The following NBPF8 variants were observed in gnomAD, a reference collection of about 807,000 sequenced individuals.
The protein encoded by NBPF8 is NBPF member 8, also known as NBPF family member NBPF8.
At chr1:120,455,995 C>T (rs1553249636) in intron 16 of NBPF8, among the ~76,000 whole-genome samples, 3 of 152,036 alleles carry the variant, frequency 2.0e-5, no homozygotes, top group African/African-American at 7.3e-5. Flanking sequence ...TTTCAAAGAA[C>T]ATCTTTATTT....
At chr1:120,428,895 T>C (rs1660792993) in intron 3 of NBPF8, among the ~76,000 whole-genome samples, 1 of 151,738 alleles carries the variant, frequency 6.6e-6, no homozygotes. Flanking sequence ...TCTTGACTCC[T>C]GGTTGAGTGC....
At chr1:120,454,693 A>G (rs1661384268) in intron 15 of NBPF8, among the ~76,000 whole-genome samples, 1 of 75,264 alleles carries the variant, frequency 1.3e-5, no homozygotes, top group African/African-American at 5.7e-5. Flanking sequence ...GTTTCTTTGT[A>G]GCATCGTGGA....
chr1:120,422,043 G>T (rs1280798444), intron 1 of NBPF8, among the ~76,000 whole-genome samples: 2 of 151,866 alleles, frequency 1.3e-5, no homozygotes, highest in Non-Finnish European at 2.9e-5. Flanking sequence ...ACCTTGGTAT[G>T]GGGCTGCTGC....
chr1:120,461,019 T>TGTGTGA (rs1661572934), intron 18 of NBPF8, among the ~76,000 whole-genome samples: 1 of 36,342 alleles, frequency 2.8e-5, no homozygotes, highest in South Asian at 9.8e-4. Flanking sequence ...GCTCGAACTG[T>TGTGTGA]GTGTGTGTGT....
Position 120,461,376 on chromosome 1 carries a change from C to T in NBPF8, n.2959C>T, listed in dbSNP as rs1335396379. ...GACTCATGCCAGCCCTACAGAAGTG[C>T]GTTTTACATATTGGAGCAACAGCGT... On this transcript the variant is annotated non_coding_transcript_exon_variant, in exon 19 of 25. Coordinates refer to ENST00000583271, the Ensembl canonical transcript of NBPF8. 2.4e-5 allele frequency: 25 copies of T among 1,058,608 alleles called. 4 individuals carry two copies. Among genetic ancestry groups the T allele is most frequent in the Admixed American group, 9.3e-5 (4 of 43,038 alleles). 65.6% of individuals were successfully genotyped at this position (1,058,608 alleles called of 1,614,324 possible).
intron 12 of NBPF8, 97 bp from the exon 11 acceptor site, chr1:120,452,020 C>A: frequency 1.5e-6 from 2 of 1,340,296 alleles, no homozygotes; most frequent in Non-Finnish European, 2.1e-6. Context: ...GTTTCAAGGT[C>A]TCCTTGAGGA....
intron 11 of NBPF8, among the ~76,000 whole-genome samples, chr1:120,450,717 C>G (rs1314278134): frequency 5.9e-5 from 9 of 152,064 alleles, no homozygotes; most frequent in African/African-American, 1.7e-4. Context: ...ATTTAAAAAT[C>G]AAAGATTTTA....
At chr1:120,431,006 T>C (rs1660859900) in intron 3 of NBPF8, among the ~76,000 whole-genome samples, 1 of 150,976 alleles carries the variant, frequency 6.6e-6, no homozygotes, top group Admixed American at 6.6e-5. Context: ...CTACCATTTA[T>C]ATGGTAATGT....
At chr1:120,454,834 C>A (rs1661391109) in intron 15 of NBPF8, among the ~76,000 whole-genome samples, 1 of 137,246 alleles carries the variant, frequency 7.3e-6, no homozygotes, top group South Asian at 2.5e-4. Flanking sequence ...CCTGCCTCAG[C>A]CTCCTGAGTT....
At chr1:120,442,995 GAA>G in exon 6 of NBPF8, 5 of 287,168 alleles carry the variant, frequency 1.7e-5, no homozygotes, top group South Asian at 2.9e-5. Context: ...ACCTCAAAGA[GAA>G]ATGTTTTCTA....
chr1:120,431,813 C>T (rs1347402196), upstream of NBPF8, among the ~76,000 whole-genome samples: 335 of 151,226 alleles, frequency 2.2e-3, 14 homozygotes, highest in South Asian at 0.069. Context: ...ATGTGTGTTT[C>T]CAGACCAACC....
chr1:120,433,270 T>TA (rs1218965771), upstream of NBPF8: 7 of 152,402 alleles, frequency 4.6e-5, no homozygotes, highest in East Asian at 5.8e-4. Flanking sequence ...TTGGAGGACT[T>TA]ACTCTGCTAG....
Position 120,465,432 on chromosome 1 carries a change from G to A in NBPF8, n.3568+61G>A, listed in dbSNP as rs1293604105. The A allele has an allele frequency of 5.8e-6, 3 of 519,078 alleles. 1 individual carries two copies. The highest frequency in any genetic ancestry group is 1.1e-5 in the Non-Finnish European group (3 of 284,248). 32.2% of individuals were successfully genotyped at this position (519,078 alleles called of 1,614,324 possible). On this transcript the variant is annotated intron_variant and non_coding_transcript_variant, in intron 24 of 24. Coordinates refer to ENST00000583271, the Ensembl canonical transcript of NBPF8. ...TTAACACCTGGAGGCAACAGATTCA[G>A]GGAAACCAGAGTGTGTTTGATGTCA...
In NBPF8 at chr1:120,466,030, C is replaced by A. The variant is rs1165003380; in HGVS notation, n.3621C>A. ...AGAGCCTGAAGTCTTACAGGACTCA[C>A]TGGATAGATGTTATTCGACTCCATC... On this transcript the variant is annotated non_coding_transcript_exon_variant, in exon 25 of 25. Coordinates refer to ENST00000583271, the Ensembl canonical transcript of NBPF8. 3.7e-6 allele frequency: 6 copies of A among 1,611,886 alleles called. No individual in the cohort carries two copies. The South Asian group carries it at 4.4e-5, about 12-fold the overall frequency.
chr1:120,460,361 C>T (rs1661545591), intron 17 of NBPF8, among the ~76,000 whole-genome samples: 2 of 151,926 alleles, frequency 1.3e-5, no homozygotes, highest in Admixed American at 1.3e-4. Context: ...GATAACATTC[C>T]AACTCAGGGG....
intron 13 of NBPF8, 34 bp downstream of exon 11, chr1:120,452,365 C>A: frequency 8.7e-7 from 1 of 1,155,902 alleles, no homozygotes; most frequent in Non-Finnish European, 1.3e-6. Context: ...GACCCAAAAT[C>A]CCAGGCTTAT....
At chr1:120,449,811 A>G (rs1553248528) in intron 11 of NBPF8, among the ~76,000 whole-genome samples, 11 of 151,496 alleles carry the variant, frequency 7.3e-5, no homozygotes, top group African/African-American at 1.7e-4. Flanking sequence ...GGCCCAACAG[A>G]CAAAGCTCTG....
upstream of NBPF8, among the ~76,000 whole-genome samples, chr1:120,418,622 G>A (rs1395656965): frequency 7.1e-6 from 1 of 139,870 alleles, no homozygotes; most frequent in Non-Finnish European, 1.5e-5. Flanking sequence ...ATGATCATGG[G>A]TCTCTGCAGC....
At chr1:120,430,614 C>T (rs1301843617) in intron 3 of NBPF8, among the ~76,000 whole-genome samples, 6 of 144,836 alleles carry the variant, frequency 4.1e-5, no homozygotes, top group Non-Finnish European at 7.5e-5. Context: ...ATTAGCTAGG[C>T]GTGGTGGCAT....
Sources: allele counts gnomAD v4.1 joint callset (sites outside exome capture counted in the v4.1 genomes callset), GRCh38; gene constraint gnomAD v4.1.1; transcripts MANE v1.5; gene names NCBI Gene and HGNC (gene_info 2026-07-23, HGNC 2026-07-21).